The following ADAMTSL3 variants were observed in gnomAD, a reference collection of about 807,000 sequenced individuals.
ADAMTSL3 encodes the protein ADAMTS like 3.
In ADAMTSL3, 128 loss-of-function variants were observed where a neutral mutation model predicts 201.7. The ratio of observed to expected loss-of-function variants is 0.63; its 90% CI spans 0.55 to 0.73. The LOEUF is 0.73. Ranked by LOEUF, ADAMTSL3 falls within the 30% of genes least tolerant of loss-of-function variation. The pLI is 0.00. For synonymous variants in ADAMTSL3, 738 were observed against 748.4 expected (o/e 0.99, Z 0.23); for missense variants, 1,990 against 2,119.6 (o/e 0.94, Z 1.20).
intron 9 of ADAMTSL3, among the ~76,000 whole-genome samples, chr15:83,883,948 A>G (rs933740476): frequency 6.6e-6 from 1 of 150,962 alleles, no homozygotes; most frequent in African/African-American, 2.4e-5. Context: ...GCTGGAGTGC[A>G]ATGGTGCGAT....
At chr15:83,969,721 G>A (rs966237186) in intron 19 of ADAMTSL3, among the ~76,000 whole-genome samples, 1 of 152,184 alleles carries the variant, frequency 6.6e-6, no homozygotes, top group Non-Finnish European at 1.5e-5. Context: ...TCCCCATACT[G>A]GGGGAATGGG....
At chr15:83,789,162 C>G (rs1205962477) in intron 4 of ADAMTSL3, among the ~76,000 whole-genome samples, 2 of 152,260 alleles carry the variant, frequency 1.3e-5, no homozygotes, top group East Asian at 3.9e-4. Flanking sequence ...ATTAGATCTT[C>G]CAGTTTTCTC....
chr15:83,701,186 G>A (rs568474887), intron 2 of ADAMTSL3, among the ~76,000 whole-genome samples: 31 of 152,110 alleles, frequency 2.0e-4, no homozygotes, highest in Non-Finnish European at 3.5e-4. Flanking sequence ...CCAGTCGGGG[G>A]TATAGTCACA....
intron 3 of ADAMTSL3, among the ~76,000 whole-genome samples, chr15:83,728,317 CTA>C (rs1397587135): frequency 6.6e-6 from 1 of 151,092 alleles, no homozygotes; most frequent in Non-Finnish European, 1.5e-5. Context: ...TTTAGCCACT[CTA>C]TGTCTTTTGA....
intron 6 of ADAMTSL3, among the ~76,000 whole-genome samples, chr15:83,822,543 T>C (rs1337435544): frequency 8.4e-4 from 119 of 141,516 alleles, no homozygotes; most frequent in Admixed American, 2.0e-3. Flanking sequence ...GAGGCGCTCC[T>C]CACATCCCAG....
chr15:83,853,546 G>A (rs2064663833), intron 7 of ADAMTSL3, among the ~76,000 whole-genome samples: 1 of 151,968 alleles, frequency 6.6e-6, no homozygotes, highest in South Asian at 2.1e-4. Context: ...ACTAAATGCT[G>A]GAAACTTATT....
intron 17 of ADAMTSL3, among the ~76,000 whole-genome samples, chr15:83,930,934 C>A (rs1455703433): frequency 6.6e-6 from 1 of 152,212 alleles, no homozygotes; most frequent in East Asian, 1.9e-4. Flanking sequence ...GTGAAACTTA[C>A]CACTGAGATT....
intron 3 of ADAMTSL3, among the ~76,000 whole-genome samples, chr15:83,755,287 A>G (rs2062702207): frequency 6.6e-6 from 1 of 152,152 alleles, no homozygotes; most frequent in Non-Finnish European, 1.5e-5. Context: ...CATTGTAACC[A>G]TTTTTAAGTG....
At chr15:83,938,517 C>T (rs1338873887) in intron 17 of ADAMTSL3, among the ~76,000 whole-genome samples, 1 of 152,036 alleles carries the variant, frequency 6.6e-6, no homozygotes, top group Non-Finnish European at 1.5e-5. Flanking sequence ...AACTGCATCT[C>T]AATAAAGCTG....
chr15:83,903,934 A>AGGGAGGGAGGGAGGGAGGGAGG (rs1567226055), intron 15 of ADAMTSL3, among the ~76,000 whole-genome samples: 1 of 27,578 alleles, frequency 3.6e-5, no homozygotes, highest in African/African-American at 3.7e-4. Flanking sequence ...AAAAAAAAAA[A>AGGGAGGGAGGGAGGGAGGGAGG]AAAAAAAAAA....
chr15:83,743,895 A>G (rs1285774374), intron 3 of ADAMTSL3, among the ~76,000 whole-genome samples: 1 of 151,918 alleles, frequency 6.6e-6, no homozygotes, highest in Non-Finnish European at 1.5e-5. Flanking sequence ...TCTGTTGCCC[A>G]GGCGGAGTGC....
intron 9 of ADAMTSL3, among the ~76,000 whole-genome samples, chr15:83,881,981 A>G (rs1369812717): frequency 6.6e-6 from 1 of 151,758 alleles, no homozygotes; most frequent in Non-Finnish European, 1.5e-5. Flanking sequence ...GTGGAACCCT[A>G]TCTCTACTAA....
rs1489816619 is a variant in ADAMTSL3, at chr15:83,958,298, A to G, written c.2491-12186A>G. On this transcript the variant is annotated intron_variant, in intron 19 of 29. Coordinates refer to ENST00000286744, the MANE Select transcript of ADAMTSL3 (RefSeq NM_207517.3). ...TGGTTCCAGAGTGTGATTGGATGCA[A>G]GAAAGATTGTGCAGAACCACTAAAG... Among the ~76,000 whole-genome samples the G allele has an allele frequency of 2.6e-5, 4 of 152,314 alleles. No individual in the cohort carries two copies. In the East Asian group the frequency reaches 7.7e-4, roughly 29 times the overall value.
chr15:83,920,951 A>G (rs1007301472), intron 16 of ADAMTSL3, among the ~76,000 whole-genome samples: 1 of 152,186 alleles, frequency 6.6e-6, no homozygotes, highest in Non-Finnish European at 1.5e-5. Flanking sequence ...ACTTATTGTT[A>G]TATTCAATCC....
chr15:83,661,015 C>A (rs1315633138), intron 2 of ADAMTSL3, among the ~76,000 whole-genome samples: 19 of 146,266 alleles, frequency 1.3e-4, no homozygotes, highest in African/African-American at 4.3e-4. Flanking sequence ...GCCAGTTTTC[C>A]CAGCACCATT....
chr15:83,824,708 G>T (rs927825797), intron 6 of ADAMTSL3, among the ~76,000 whole-genome samples: 14 of 152,076 alleles, frequency 9.2e-5, no homozygotes, highest in African/African-American at 3.4e-4. Flanking sequence ...GCCTTTTCCG[G>T]AATGTCACAG....
At chr15:83,975,456 C>T (rs1049264452) in intron 20 of ADAMTSL3, among the ~76,000 whole-genome samples, 1 of 152,148 alleles carries the variant, frequency 6.6e-6, no homozygotes, top group Admixed American at 6.5e-5. Flanking sequence ...GTCGTAGAGA[C>T]CCAGCCAGGC....
chr15:83,677,940 C>T (rs1013269176), intron 2 of ADAMTSL3, among the ~76,000 whole-genome samples: 138 of 76,094 alleles, frequency 1.8e-3, no homozygotes, highest in African/African-American at 6.8e-3. Context: ...TTTTCATTTT[C>T]TCTCTCTCTC....
chr15:83,674,402 C>T (rs1027542782), intron 2 of ADAMTSL3, among the ~76,000 whole-genome samples: 2 of 151,730 alleles, frequency 1.3e-5, no homozygotes, highest in African/African-American at 4.8e-5. Context: ...TACTTTTGCT[C>T]CTTTGTCAAA....
Sources: allele counts gnomAD v4.1 joint callset (sites outside exome capture counted in the v4.1 genomes callset), GRCh38; gene constraint gnomAD v4.1.1; transcripts MANE v1.5; gene names NCBI Gene and HGNC (gene_info 2026-07-23, HGNC 2026-07-21).